TMEM154: variants seen among roughly 807,000 people sequenced by gnomAD.
TMEM154 encodes transmembrane protein 154.
TMEM154 carries 27 observed loss-of-function variants against 24.5 expected under a neutral mutation model. The observed-to-expected ratio is 1.10, with a 90% confidence interval of 0.81 to 1.52. TMEM154 has a LOEUF of 1.52. TMEM154 is among the 40% of genes most tolerant of loss of function. The pLI, the probability that TMEM154 is intolerant of heterozygous loss-of-function variation, is 0.00. For synonymous variants in TMEM154, 67 were observed against 76.8 expected (o/e 0.87, Z 0.67); for missense variants, 228 against 213.4 (o/e 1.07, Z -0.43).
In TMEM154 at chr4:152,639,368, G is replaced by T. The variant is rs1752209495; in HGVS notation, c.536+1560C>A. On this transcript the variant is annotated intron_variant, in intron 6 of 6. Transcript: ENST00000304385. ...AGGAATGTAAAAACCACTGAGGGTA[G>T]TTTTTAGCATCATTGAGGTTGCTCA... Among the ~76,000 whole-genome samples, 6 of 152,208 alleles carry T rather than the reference G, an allele frequency of 3.9e-5. No individual in the cohort carries two copies. In the South Asian group the frequency reaches 1.2e-3, roughly 32 times the overall value.
At chr4:152,673,533 T>C (rs1036377436) in intron 1 of TMEM154, among the ~76,000 whole-genome samples, 1 of 152,214 alleles carries the variant, frequency 6.6e-6, no homozygotes, top group Non-Finnish European at 1.5e-5. Flanking sequence ...ACTCCTGACC[T>C]CAAGTGATCC....
intron 3 of TMEM154, among the ~76,000 whole-genome samples, chr4:152,650,843 C>T (rs776693643): frequency 9.9e-5 from 15 of 152,210 alleles, no homozygotes; most frequent in Admixed American, 4.6e-4. Context: ...ACATCTCCAC[C>T]AGGCCTCTTG....
intron 6 of TMEM154, among the ~76,000 whole-genome samples, chr4:152,629,355 C>T (rs1751989233): frequency 6.6e-6 from 1 of 152,208 alleles, no homozygotes; most frequent in African/African-American, 2.4e-5. Flanking sequence ...GGGGCCTTCT[C>T]AGTGTCATTT....
At chr4:152,649,241 C>T (rs531149974) in intron 3 of TMEM154, among the ~76,000 whole-genome samples, 7 of 152,328 alleles carry the variant, frequency 4.6e-5, no homozygotes, top group African/African-American at 7.2e-5. Flanking sequence ...GTATTAGAGA[C>T]GTTCCTATCC....
chr4:152,632,689 G>T (rs779478033), intron 6 of TMEM154, among the ~76,000 whole-genome samples: 4 of 152,128 alleles, frequency 2.6e-5, no homozygotes, highest in Non-Finnish European at 4.4e-5. Context: ...TCCCTGGGTA[G>T]TTTACGTTTG....
chr4:152,646,908 G>C (rs1341237141), intron 3 of TMEM154: 2 of 701,868 alleles, frequency 2.8e-6, no homozygotes, highest in East Asian at 2.7e-5. Context: ...TGTTTAAAGG[G>C]GTAGTTTATC....
chr4:152,629,316 G>A (rs917962266), intron 6 of TMEM154, among the ~76,000 whole-genome samples: 14 of 152,278 alleles, frequency 9.2e-5, no homozygotes, highest in South Asian at 8.3e-4. Context: ...TCAATAGCCC[G>A]TTTTGTTCAT....
At chr4:152,645,877 T>C (rs1291518141) in intron 3 of TMEM154, among the ~76,000 whole-genome samples, 1 of 151,536 alleles carries the variant, frequency 6.6e-6, no homozygotes, top group African/African-American at 2.4e-5. Context: ...CCAGTAGGCA[T>C]CTAAAGCTTC....
Position 152,628,581 on chromosome 4 carries a change from A to AAC in TMEM154, c.537-21_537-20insGT, listed in dbSNP as rs1751962132. On this transcript the variant is annotated intron_variant, in intron 6 of 6. Transcript: ENST00000304385. Reference sequence around the variant, plus strand: ...CTGTCACTGTAAAAAAAAAAAAAAAAAAAAAAAAAAACAAAAAAAACACAC... The same window carrying AAC: ...CTGTCACTGTAAAAAAAAAAAAAAAAACAAAAAAAAAAACAAAAAAAACACAC... The AAC allele has an allele frequency of 2.7e-6, 3 of 1,100,908 alleles. No individual in the cohort carries two copies. The highest frequency in any genetic ancestry group is 1.2e-6 in the Non-Finnish European group (1 of 842,600). 68.2% of individuals were successfully genotyped at this position (1,100,908 alleles called of 1,614,324 possible).
At chr4:152,657,758 G>C (rs1040648249) in intron 1 of TMEM154, among the ~76,000 whole-genome samples, 1 of 152,162 alleles carries the variant, frequency 6.6e-6, no homozygotes, top group Admixed American at 6.5e-5. Flanking sequence ...CAGACTAACA[G>C]TTAATTTCTC....
intron 5 of TMEM154, among the ~76,000 whole-genome samples, chr4:152,641,903 CTTTTTTTTTTTTTTTTTTT>C (rs780465309): frequency 3.6e-4 from 15 of 41,484 alleles, no homozygotes; most frequent in African/African-American, 4.2e-4. Flanking sequence ...AGCAATAATT[CTTTTTTTTTTTTTTTTTTT>C]TTTTTTTTTT....
intron 1 of TMEM154, among the ~76,000 whole-genome samples, chr4:152,664,240 T>A (rs1421117974): frequency 6.6e-6 from 1 of 152,160 alleles, no homozygotes; most frequent in Non-Finnish European, 1.5e-5. Context: ...TGGATGAAAC[T>A]GGAAGCCATC....
chr4:152,646,602 T>C (rs1728242743), intron 3 of TMEM154: 1 of 231,048 alleles, frequency 4.3e-6, no homozygotes, highest in Non-Finnish European at 8.5e-6. Flanking sequence ...CAAAGCTCCA[T>C]CTCAAACCCC....
At chr4:152,637,275 G>A (rs1454684625) in intron 6 of TMEM154, among the ~76,000 whole-genome samples, 1 of 152,250 alleles carries the variant, frequency 6.6e-6, no homozygotes, top group East Asian at 1.9e-4. Context: ...GCCGGGTGCG[G>A]TGTCTCACGC....
intron 6 of TMEM154, 127 bp downstream of exon 6, chr4:152,640,801 C>T: frequency 1.3e-6 from 1 of 768,196 alleles, no homozygotes; most frequent in Non-Finnish European, 2.2e-6. Flanking sequence ...TGCACATATC[C>T]AGCCGCGTAA....
Position 152,624,777 on chromosome 4 carries a change from A to G in TMEM154, c.*3769T>C, listed in dbSNP as rs1454024485. On this transcript the variant is annotated 3_prime_UTR_variant, in exon 7 of 7. Coordinates refer to ENST00000304385, the MANE Select transcript of TMEM154 (RefSeq NM_152680.3). ...TGGGTTCTGCAATTTGAAATATTCC[A>G]CTAGACACTAATATACAGGAACTCT... 3 of 152,230 alleles carry G rather than the reference A, an allele frequency of 2.0e-5. No individual in the cohort carries two copies. The highest frequency in any genetic ancestry group is 4.4e-5 in the Non-Finnish European group (3 of 68,042). The allele number at this position is 152,230 out of a possible 1,614,324, so 9.4% of individuals were successfully genotyped here. A position where few individuals can be genotyped will look rare whatever the true frequency, so the allele number is the denominator to read the frequency against.
chr4:152,675,221 C>T lies in TMEM154; in HGVS notation c.64+4649G>A, dbSNP rs190211169. ...ATGACAAGCGGCAAGATTATGTCTA[C>T]ACAAACTTTAGCTAAAAGTTACCAA... On this transcript the variant is annotated intron_variant, in intron 1 of 6. Coordinates refer to ENST00000304385, the MANE Select transcript of TMEM154 (RefSeq NM_152680.3). Among the ~76,000 whole-genome samples the T allele has an allele frequency of 1.7e-3, 246 of 146,060 alleles. 1 individual carries two copies. Among genetic ancestry groups the T allele is most frequent in the African/African-American group, 5.7e-3 (229 of 39,844 alleles).
At chr4:152,668,590 G>C (rs560945661) in intron 1 of TMEM154, 1 of 152,314 alleles carries the variant, frequency 6.6e-6, no homozygotes, top group East Asian at 1.9e-4. Flanking sequence ...CTCAGCACAA[G>C]CTCAGCATTG....
At chr4:152,660,620 C>A (rs1314839814) in intron 1 of TMEM154, among the ~76,000 whole-genome samples, 1 of 152,174 alleles carries the variant, frequency 6.6e-6, no homozygotes, top group Non-Finnish European at 1.5e-5. Context: ...AACCAGGGGG[C>A]CGATGGCAGA....
Sources: allele counts gnomAD v4.1 joint callset (sites outside exome capture counted in the v4.1 genomes callset), GRCh38; gene constraint gnomAD v4.1.1; transcripts MANE v1.5; gene names NCBI Gene and HGNC (gene_info 2026-07-23, HGNC 2026-07-21).